Variants in CADM2 observed in about 807,000 individuals in gnomAD.
CADM2 encodes the protein immunoglobulin superfamily member 4D.
Under a neutral mutation model 49.8 loss-of-function variants are expected in CADM2, and 12 were observed. The observed-to-expected ratio is 0.24, with a 90% CI of 0.15 to 0.39. The LOEUF (loss-of-function observed/expected upper bound fraction) is 0.39. CADM2 is among the 10% of genes least tolerant of loss of function. CADM2 has a pLI of 1.00. For synonymous variants in CADM2, 214 were observed against 175.4 expected (o/e 1.22, Z -1.74); for missense variants, 378 against 492.3 (o/e 0.77, Z 2.20).
chr3:85,383,098 T>C (rs920452646), intron 1 of CADM2, among the ~76,000 whole-genome samples: 2 of 152,118 alleles, frequency 1.3e-5, no homozygotes, highest in African/African-American at 4.8e-5. Context: ...GTTCAAACTG[T>C]GTTCAAATAA....
rs1200353965 is a variant in CADM2 at position 85,850,264 on chromosome 3, C to G, written c.239-33027C>G. 2.7e-5 allele frequency among the ~76,000 whole-genome samples: 4 copies of G among 146,582 alleles called. No individual in the cohort carries two copies. The East Asian group carries it at 8.2e-4, about 30-fold the overall frequency. Reference sequence around the variant, plus strand: ...ATGGTACATAAAAAACCAAGGCAAACTTGATCAGTGTGGCTACCTAACTGC... The same window carrying G: ...ATGGTACATAAAAAACCAAGGCAAAGTTGATCAGTGTGGCTACCTAACTGC... On this transcript the variant is annotated intron_variant, in intron 3 of 9. Coordinates refer to ENST00000383699, the MANE Select transcript of CADM2 (RefSeq NM_001167675.2).
intron 1 of CADM2, among the ~76,000 whole-genome samples, chr3:85,141,767 G>C (rs2039585140): frequency 6.6e-6 from 1 of 152,040 alleles, no homozygotes; most frequent in Non-Finnish European, 1.5e-5. Flanking sequence ...TCTCCTATTT[G>C]GGGCAATTTA....
chr3:85,276,120 G>A (rs2167606), intron 1 of CADM2, among the ~76,000 whole-genome samples: 26,100 of 151,022 alleles, frequency 0.17, 3,832 homozygotes, highest in African/African-American at 0.4. Flanking sequence ...GATAAGATAT[G>A]TAATCACTTG....
chr3:85,777,358 C>G (rs2070408815), intron 2 of CADM2, among the ~76,000 whole-genome samples: 1 of 151,956 alleles, frequency 6.6e-6, no homozygotes, highest in African/African-American at 2.4e-5. Flanking sequence ...CGGGTTCAAG[C>G]AATTCTCTTG....
chr3:85,574,103 G>A (rs10511080), intron 1 of CADM2, among the ~76,000 whole-genome samples: 2 of 152,156 alleles, frequency 1.3e-5, no homozygotes, highest in East Asian at 3.9e-4. Flanking sequence ...ATCAGACTTT[G>A]TTAGGTTGAA....
intron 3 of CADM2, among the ~76,000 whole-genome samples, chr3:85,855,585 CATATATATATATAAAACATAT>C (rs1306271126): frequency 2.5e-5 from 3 of 120,166 alleles, no homozygotes; most frequent in African/African-American, 5.6e-5. Context: ...ATATAAAAAA[CATATATATATATAAAACATAT>C]ATATATATAT....
At chr3:85,827,532 TG>T (rs1230025342) in intron 3 of CADM2, among the ~76,000 whole-genome samples, 2 of 151,900 alleles carry the variant, frequency 1.3e-5, no homozygotes, top group African/African-American at 4.8e-5. Context: ...AATTAAGCAA[TG>T]GGGGATTATT....
At chr3:85,322,134 C>T (rs936223223) in intron 1 of CADM2, among the ~76,000 whole-genome samples, 12 of 152,242 alleles carry the variant, frequency 7.9e-5, no homozygotes, top group African/African-American at 2.9e-4. Context: ...TTTCAAATAA[C>T]CAACAGTCCC....
Position 85,679,820 on chromosome 3 carries a change from A to AT in CADM2, c.62-46698dup, listed in dbSNP as rs539228668. Among the ~76,000 whole-genome samples the AT allele has an allele frequency of 4.7e-3, 717 of 152,172 alleles. 8 individuals carry two copies. Among genetic ancestry groups the AT allele is most frequent in the African/African-American group, 0.017 (691 of 41,526 alleles). On this transcript the variant is annotated intron_variant, in intron 1 of 9. Transcript: ENST00000383699. ...TTTGGAATTTGAATAAAAACCATAG[A>AT]TTTTGTTATTTTTCCTGAAGAATTC...
chr3:85,174,676 C>T (rs957322976), intron 1 of CADM2, among the ~76,000 whole-genome samples: 1 of 152,028 alleles, frequency 6.6e-6, no homozygotes, highest in Non-Finnish European at 1.5e-5. Context: ...AAAATTTACT[C>T]TTAAAATGTA....
chr3:85,690,897 A>G (rs756465120), intron 1 of CADM2, among the ~76,000 whole-genome samples: 15 of 152,184 alleles, frequency 9.9e-5, no homozygotes, highest in Non-Finnish European at 2.1e-4. Flanking sequence ...ATCACCTTGT[A>G]TATTTATCAT....
At chr3:85,927,811 A>T (rs1162912028) in intron 6 of CADM2, among the ~76,000 whole-genome samples, 1 of 150,728 alleles carries the variant, frequency 6.6e-6, no homozygotes, top group African/African-American at 2.4e-5. Flanking sequence ...TACTTATTCA[A>T]TTACAAAAGA....
chr3:85,678,327 G>A (rs2065942692), intron 1 of CADM2, among the ~76,000 whole-genome samples: 1 of 152,144 alleles, frequency 6.6e-6, no homozygotes, highest in African/African-American at 2.4e-5. Flanking sequence ...TCCCACCTTA[G>A]TACCAGACTT....
intron 1 of CADM2, among the ~76,000 whole-genome samples, chr3:84,989,973 A>C (rs2032791236): frequency 6.6e-6 from 1 of 151,958 alleles, no homozygotes; most frequent in African/African-American, 2.4e-5. Flanking sequence ...AAGAAAATTA[A>C]ATATGGTTAC....
intron 1 of CADM2, among the ~76,000 whole-genome samples, chr3:85,140,698 G>T (rs557482730): frequency 6.6e-6 from 1 of 152,128 alleles, no homozygotes; most frequent in African/African-American, 2.4e-5. Flanking sequence ...CACACATCCC[G>T]TGAATGGAAA....
chr3:86,003,431 C>A (rs1730412970), intron 8 of CADM2, among the ~76,000 whole-genome samples: 1 of 152,152 alleles, frequency 6.6e-6, no homozygotes, highest in Non-Finnish European at 1.5e-5. Context: ...GCTTAACTTG[C>A]AAGCAGGGTA....
At chr3:86,032,500 C>T (rs912332281) in intron 8 of CADM2, among the ~76,000 whole-genome samples, 3 of 151,712 alleles carry the variant, frequency 2.0e-5, no homozygotes, top group Admixed American at 6.6e-5. Flanking sequence ...TCAGATGTGT[C>T]ATATGTAGTT....
chr3:86,025,334 G>A (rs1257633371), intron 8 of CADM2, among the ~76,000 whole-genome samples: 1 of 152,136 alleles, frequency 6.6e-6, no homozygotes, highest in Non-Finnish European at 1.5e-5. Context: ...AGGGATTACA[G>A]GCATGAGCAA....
At position 85,579,540 on chromosome 3, in the gene CADM2, G is replaced by A. The variant is rs114308264; in HGVS notation, c.62-146982G>A. On this transcript the variant is annotated intron_variant, in intron 1 of 9. Transcript: ENST00000383699. Reference sequence around the variant, plus strand: ...TGGCTCCCCATTGCTTAATGATAGAGTCAAGTTTGTTAACATGCAATGAAA... The same window carrying A: ...TGGCTCCCCATTGCTTAATGATAGAATCAAGTTTGTTAACATGCAATGAAA... Among the ~76,000 whole-genome samples the A allele has an allele frequency of 5.8e-3, 881 of 152,234 alleles. 8 individuals carry two copies. The highest frequency in any genetic ancestry group is 0.034 in the Middle Eastern group (10 of 294).
Sources: allele counts gnomAD v4.1 joint callset (sites outside exome capture counted in the v4.1 genomes callset), GRCh38; gene constraint gnomAD v4.1.1; transcripts MANE v1.5; gene names NCBI Gene and HGNC (gene_info 2026-07-23, HGNC 2026-07-21).